Variants in ABCC1 observed in about 807,000 individuals in gnomAD.
ABCC1 encodes multidrug resistance-associated protein 1.
A neutral mutation model predicts 172.9 loss-of-function variants in ABCC1; 83 were observed. That is an observed-to-expected ratio of 0.48 (90% CI 0.40 to 0.58). The LOEUF (loss-of-function observed/expected upper bound fraction) is 0.58, where lower values mean the gene tolerates loss of function less well. Ranked by LOEUF, ABCC1 falls within the 20% of genes least tolerant of loss-of-function variation. ABCC1 has a pLI of 0.00. For synonymous variants in ABCC1, 937 were observed against 825.2 expected, an observed-to-expected ratio of 1.14 and a Z score of -2.32; for missense variants, 1,817 against 2,002.7, an observed-to-expected ratio of 0.91 and a Z score of 1.77.
chr16:16,083,348 T>C lies in ABCC1; in HGVS notation c.2116-18T>C, dbSNP rs780713630. ...TGTCTGTGTGTCTGTCTCACCTCGT[T>C]CTCCATTTGCAACTTAGGGCTCCGT... On this transcript the variant is annotated intron_variant, in intron 16 of 30. Transcript: ENST00000399410. 1 of 1,610,982 alleles carries C rather than the reference T, an allele frequency of 6.2e-7. No individual in the cohort carries two copies. The highest frequency in any genetic ancestry group is 1.3e-5 in the African/African-American group (1 of 74,886).
intron 26 of ABCC1, among the ~76,000 whole-genome samples, chr16:16,128,508 G>T (rs992674121): frequency 6.6e-6 from 1 of 152,114 alleles, no homozygotes; most frequent in African/African-American, 2.4e-5. Context: ...TAGAAGGATC[G>T]TGTTTGACAA....
At chr16:15,969,220 A>G (rs2046314491) in intron 1 of ABCC1, among the ~76,000 whole-genome samples, 1 of 151,906 alleles carries the variant, frequency 6.6e-6, no homozygotes, top group Non-Finnish European at 1.5e-5. Flanking sequence ...ACAAAACAAA[A>G]CATATAGTCT....
intron 11 of ABCC1, among the ~76,000 whole-genome samples, chr16:16,054,057 C>G (rs371437216): frequency 6.6e-5 from 10 of 151,846 alleles, no homozygotes; most frequent in Non-Finnish European, 1.2e-4. Flanking sequence ...TCACTGCAAC[C>G]TCTGCCTCCC....
chr16:15,990,384 G>C (rs1055331081), intron 1 of ABCC1, among the ~76,000 whole-genome samples: 1 of 152,124 alleles, frequency 6.6e-6, no homozygotes, highest in African/African-American at 2.4e-5. Context: ...AGTATTGTGA[G>C]CTATAGACAC....
chr16:16,104,811 G>T (rs2051993643), intron 20 of ABCC1, among the ~76,000 whole-genome samples: 1 of 152,190 alleles, frequency 6.6e-6, no homozygotes, highest in Non-Finnish European at 1.5e-5. Context: ...CCCGAGCCCT[G>T]CCCCGCGGGG....
intron 1 of ABCC1, among the ~76,000 whole-genome samples, chr16:15,961,493 A>G (rs1176282906): frequency 6.6e-6 from 1 of 152,206 alleles, no homozygotes. Context: ...AAGTTTTAGT[A>G]TGTTCCCACC....
In ABCC1 at chr16:16,082,573, T is replaced by C. The variant is rs1174856103; in HGVS notation, c.2116-793T>C. 2.0e-5 allele frequency among the ~76,000 whole-genome samples: 3 copies of C among 152,172 alleles called. No individual in the cohort carries two copies. In the East Asian group the frequency reaches 5.8e-4, roughly 29 times the overall value. Reference sequence around the variant, plus strand: ...AAGCCTTTGAAATGGATGCTTGATATAGGAGTCTTTGCTTCAATTTTTAGC... The same window carrying C: ...AAGCCTTTGAAATGGATGCTTGATACAGGAGTCTTTGCTTCAATTTTTAGC... On this transcript the variant is annotated intron_variant, in intron 16 of 30. Transcript: ENST00000399410.
At chr16:15,983,522 A>C (rs2151595972) in intron 1 of ABCC1, among the ~76,000 whole-genome samples, 1 of 150,300 alleles carries the variant, frequency 6.7e-6, no homozygotes, top group South Asian at 2.1e-4. Context: ...TGAACTGAGC[A>C]AATCACATGT....
chr16:15,970,204 A>T (rs2046334993), intron 1 of ABCC1, among the ~76,000 whole-genome samples: 1 of 152,170 alleles, frequency 6.6e-6, no homozygotes, highest in South Asian at 2.1e-4. Context: ...CCCCAAAATA[A>T]TCAGGGTCCC....
At chr16:16,018,135 G>A (rs542505337) in intron 5 of ABCC1, among the ~76,000 whole-genome samples, 1 of 152,318 alleles carries the variant, frequency 6.6e-6, no homozygotes, top group Admixed American at 6.5e-5. Flanking sequence ...CACCTCTGTG[G>A]TTCTGTTGGG....
At position 16,122,098 on chromosome 16, in the gene ABCC1, G is replaced by C. The variant is rs1015259132; in HGVS notation, c.3514G>C (p.Glu1172Gln). 1.9e-6 allele frequency: 3 copies of C among 1,614,046 alleles called. No individual in the cohort carries two copies. In the African/African-American group the frequency reaches 4.0e-5, roughly 22 times the overall value. Reference sequence around the variant, plus strand: ...CGTCATTCGAGCCTTCGAGGAGCAGGAGCGCTTCATCCACCAGAGTGACCT... The same window carrying C: ...CGTCATTCGAGCCTTCGAGGAGCAGCAGCGCTTCATCCACCAGAGTGACCT... The part of the protein sequence containing the change: ...VSVIRAFEEQ[E>Q]RFIHQSDLKV... Residue 1172 changes from glutamate to glutamine, a missense_variant, in exon 24 of 31, where the codon GAG (glutamate) becomes CAG (glutamine). Physicochemically the swap from Glu to Gln is conservative, Grantham distance 29. This residue lies in a region of ABCC1 where 1,412 missense variants were observed against 1,600.3 expected (regional missense o/e 0.88). Coordinates refer to ENST00000399410, the MANE Select transcript of ABCC1 (RefSeq NM_004996.4).
At chr16:16,106,918 A>C in intron 21 of ABCC1, 45 bp downstream of exon 21, 1 of 1,611,840 alleles carries the variant, frequency 6.2e-7, no homozygotes, top group Non-Finnish European at 8.5e-7. Context: ...GAGTTTATAG[A>C]GCGCCCACTG....
At chr16:15,963,391 C>T (rs183386494) in intron 1 of ABCC1, among the ~76,000 whole-genome samples, 98 of 152,366 alleles carry the variant, frequency 6.4e-4, no homozygotes, top group African/African-American at 2.3e-3. Context: ...GCCCTTTTCT[C>T]ACAGCTCCAT....
At chr16:16,083,285 C>T (rs2050875751) in intron 16 of ABCC1, 81 bp from the exon 17 acceptor site, 3 of 1,414,798 alleles carry the variant, frequency 2.1e-6, no homozygotes, top group Admixed American at 1.8e-5. Context: ...GCCCTCCTAG[C>T]AGGCGGGTGG....
intron 1 of ABCC1, among the ~76,000 whole-genome samples, chr16:16,001,154 A>T (rs2047292701): frequency 6.6e-6 from 1 of 152,146 alleles, no homozygotes; most frequent in African/African-American, 2.4e-5. Context: ...GGAGAAGTAG[A>T]TGGGACTTGA....
intron 2 of ABCC1, 58 bp from the exon 3 acceptor site, chr16:16,009,718 G>A: frequency 2.0e-6 from 3 of 1,500,764 alleles, no homozygotes; most frequent in Non-Finnish European, 2.7e-6. Context: ...GTTCGTGCAG[G>A]CCCTGGGGGA....
At chr16:16,086,696 T>G (rs2051020906) in intron 17 of ABCC1, 128 bp from the exon 18 acceptor site, 1 of 959,580 alleles carries the variant, frequency 1.0e-6, no homozygotes, top group African/African-American at 1.6e-5. Flanking sequence ...CTCAAACCCC[T>G]GGTCTCAAGC....
intron 23 of ABCC1, among the ~76,000 whole-genome samples, chr16:16,115,385 C>T (rs1045504168): frequency 2.0e-5 from 3 of 152,162 alleles, no homozygotes; most frequent in South Asian, 4.1e-4. Context: ...GACAGAGTCT[C>T]GCTCTGTCAC....
intron 28 of ABCC1, among the ~76,000 whole-genome samples, chr16:16,135,278 A>G (rs2045876649): frequency 6.6e-6 from 1 of 152,144 alleles, no homozygotes; most frequent in African/African-American, 2.4e-5. Context: ...TATTGAACAG[A>G]GTACCCGAGA....
Sources: gnomAD v4.1 joint callset for allele counts (sites outside exome capture counted in the v4.1 genomes callset) on GRCh38, gnomAD v4.1.1 for gene constraint, gnomAD v4.1.1 regional missense constraint, MANE v1.5 for transcripts, NCBI Gene and HGNC (gene_info 2026-07-23, HGNC 2026-07-21) for gene names.